The following ART3 variants were observed in gnomAD, a reference collection of about 807,000 sequenced individuals.
ART3 encodes the protein ADP-ribosyltransferase 3 (inactive), also known as ecto-ADP-ribosyltransferase 3.
A neutral mutation model predicts 48.5 loss-of-function variants in ART3; 49 were observed. That is an observed-to-expected ratio of 1.01 (90% CI 0.80 to 1.28). The LOEUF (loss-of-function observed/expected upper bound fraction) is 1.28. ART3 is among the 50% of genes most tolerant of loss of function. ART3 has a pLI of 0.00. For missense variants in ART3, 438 were observed against 454.3 expected, an observed-to-expected ratio of 0.96 and a Z score of 0.33; for synonymous variants, 145 against 157.2, an observed-to-expected ratio of 0.92 and a Z score of 0.58.
At chr4:76,014,708 A>G (rs1732104985) in intron 1 of ART3, among the ~76,000 whole-genome samples, 1 of 150,068 alleles carries the variant, frequency 6.7e-6, no homozygotes. Flanking sequence ...AGCTCAGTGA[A>G]CTCCAAGCAA....
chr4:76,036,206 T>TTA (rs1275705713), intron 1 of ART3: 1 of 504,696 alleles, frequency 2.0e-6, no homozygotes, highest in Non-Finnish European at 3.5e-6. Flanking sequence ...CTTCTAAATG[T>TTA]TACTGTCCCT....
chr4:76,061,266 G>A (rs1719188165), intron 1 of ART3, among the ~76,000 whole-genome samples: 1 of 152,070 alleles, frequency 6.6e-6, no homozygotes, highest in Non-Finnish European at 1.5e-5. Flanking sequence ...TCTTGATGTT[G>A]CTCCTAACCA....
intron 1 of ART3, chr4:76,034,929 G>C (rs1734215932): frequency 5.2e-6 from 7 of 1,353,262 alleles, no homozygotes; most frequent in South Asian, 1.2e-5. Context: ...CCCCTTAACA[G>C]AATATTTCAC....
chr4:76,031,612 C>T (rs1578241396), intron 1 of ART3, among the ~76,000 whole-genome samples: 1 of 152,310 alleles, frequency 6.6e-6, no homozygotes, highest in East Asian at 1.9e-4. Flanking sequence ...GTTTCATGTC[C>T]TTCATCCTTC....
intron 1 of ART3, among the ~76,000 whole-genome samples, chr4:76,028,784 G>A (rs1733634190): frequency 6.6e-6 from 1 of 152,184 alleles, no homozygotes; most frequent in African/African-American, 2.4e-5. Flanking sequence ...CCTAAGCAGA[G>A]GGCAAACTGA....
At chr4:76,107,917 GAGTAT>G (rs1728786494) in intron 11 of ART3, 124 bp downstream of exon 11, 1 of 716,406 alleles carries the variant, frequency 1.4e-6, no homozygotes, top group African/African-American at 1.9e-5. Flanking sequence ...CTTAATAACA[GAGTAT>G]AATGTCATAT....
rs191515334 is a variant in ART3 at position 76,053,942 on chromosome 4, A to G, written c.-9-21939A>G. ...TGCCTGGAAAATGACTGCACTCGAC[A>G]ACTGCCAGGTCAATGTAGACGTTCA... On this transcript the variant is annotated intron_variant, in intron 1 of 9. Coordinates refer to the ART3 transcript ENST00000341029. 7.9e-5 allele frequency among the ~76,000 whole-genome samples: 12 copies of G among 152,368 alleles called. No homozygotes were observed. In the East Asian group the frequency reaches 1.2e-3, roughly 15 times the overall value.
At chr4:76,076,231 C>T (rs1721047916) in intron 2 of ART3, among the ~76,000 whole-genome samples, 1 of 152,038 alleles carries the variant, frequency 6.6e-6, no homozygotes, top group African/African-American at 2.4e-5. Context: ...GTCTCGATCT[C>T]CTGACCTCAT....
At chr4:76,099,995 C>T (rs1157104648) in intron 5 of ART3, among the ~76,000 whole-genome samples, 1 of 152,140 alleles carries the variant, frequency 6.6e-6, no homozygotes, top group Non-Finnish European at 1.5e-5. Context: ...TGATCACTTC[C>T]CAGGGACTTT....
At chr4:76,105,534 T>C in intron 10 of ART3, 3 of 1,289,162 alleles carry the variant, frequency 2.3e-6, no homozygotes, top group Non-Finnish European at 3.0e-6. Flanking sequence ...ATAAAAATGA[T>C]ACAACTGAAT....
intron 3 of ART3, among the ~76,000 whole-genome samples, chr4:76,092,018 A>G (rs568771851): frequency 6.6e-6 from 1 of 152,314 alleles, no homozygotes; most frequent in South Asian, 2.1e-4. Flanking sequence ...ATTGATCACT[A>G]TAGCTATATA....
At chr4:76,076,162 G>T (rs547446178) in intron 2 of ART3, among the ~76,000 whole-genome samples, 1 of 152,004 alleles carries the variant, frequency 6.6e-6, no homozygotes, top group Non-Finnish European at 1.5e-5. Flanking sequence ...CTGCCACCAC[G>T]CCTGGCTAAT....
intron 1 of ART3, among the ~76,000 whole-genome samples, chr4:76,026,541 T>G (rs928864941): frequency 3.9e-5 from 6 of 152,186 alleles, no homozygotes; most frequent in Non-Finnish European, 8.8e-5. Flanking sequence ...AGAACCAAGT[T>G]TAATTTAAGA....
chr4:76,088,608 C>T (rs1461194406), intron 3 of ART3, among the ~76,000 whole-genome samples: 1 of 152,114 alleles, frequency 6.6e-6, no homozygotes, highest in African/African-American at 2.4e-5. Flanking sequence ...TGATTGGCAC[C>T]TTTCTTTAGC....
intron 1 of ART3, among the ~76,000 whole-genome samples, chr4:76,019,113 A>T (rs950153843): frequency 2.0e-5 from 3 of 151,996 alleles, no homozygotes; most frequent in Non-Finnish European, 4.4e-5. Context: ...GAATTTGAAC[A>T]TAATAAGATT....
At chr4:76,076,005 T>TA in intron 2 of ART3, 47 bp downstream of exon 2, 1 of 654,716 alleles carries the variant, frequency 1.5e-6, no homozygotes, top group Non-Finnish European at 2.1e-6. Flanking sequence ...TGGAAATTCG[T>TA]TTTTTTTTTT....
upstream of ART3, among the ~76,000 whole-genome samples, chr4:76,070,358 T>C (rs138967022): frequency 3.9e-5 from 6 of 152,332 alleles, no homozygotes; most frequent in African/African-American, 1.2e-4. Flanking sequence ...CATTTTATGT[T>C]GTTAGTCTTT....
At position 76,081,897 on chromosome 4, in the gene ART3, A is replaced by G. The variant is rs572124934; in HGVS notation, c.143A>G (p.Glu48Gly). The change falls in exon 3 of 12, where the codon GAA (glutamate) becomes GGA (glycine). Residue 48 changes from glutamate to glycine, a missense_variant. Physicochemically the swap from Glu to Gly is moderately conservative, Grantham distance 98 (BLOSUM62 -2). Coordinates refer to ENST00000355810, the MANE Select transcript of ART3 (RefSeq NM_001130016.3). Reference protein sequence around the residue: ...DEYLKCTDRMEIKYVPQLLKE... With the variant: ...DEYLKCTDRMGIKYVPQLLKE... ...TACCTGAAATGTACGGACAGGATGGAAATTAAATACGTTCCCCAACTGCTA... is the reference window on the plus strand; with the variant it reads ...TACCTGAAATGTACGGACAGGATGGGAATTAAATACGTTCCCCAACTGCTA... The G allele has an allele frequency of 1.2e-6, 2 of 1,614,202 alleles. No individual in the cohort carries two copies. The highest frequency in any genetic ancestry group is 2.2e-5 in the South Asian group (2 of 91,082).
At chr4:76,048,085 G>A (rs59666396) in intron 1 of ART3, among the ~76,000 whole-genome samples, 3,846 of 151,920 alleles carry the variant, frequency 0.025, 159 homozygotes, top group African/African-American at 0.085. Flanking sequence ...TTCCTTCTGG[G>A]CAGGGGAGAT....
Sources: allele counts gnomAD v4.1 joint callset (sites outside exome capture counted in the v4.1 genomes callset), GRCh38; gene constraint gnomAD v4.1.1; transcripts MANE v1.5; gene names NCBI Gene and HGNC (gene_info 2026-07-23, HGNC 2026-07-21).